Variants in KDM2A observed in about 807,000 individuals in gnomAD.
KDM2A encodes lysine-specific demethylase 2A.
A neutral mutation model predicts 137.3 loss-of-function variants in KDM2A; 3 were observed. The observed-to-expected ratio is 0.02, with a 90% CI of 0.01 to 0.06. KDM2A has a LOEUF of 0.06. Among genes scored for constraint, KDM2A ranks in the 10% least tolerant of loss-of-function variants. KDM2A has a pLI of 1.00. For synonymous variants in KDM2A, 512 were observed against 541.5 expected (o/e 0.95, Z 0.76); for missense variants, 738 against 1,510.6 (o/e 0.49, Z 8.48).
At chr11:67,253,325 A>G (rs1173180191) in intron 18 of KDM2A, 128 bp from the exon 19 acceptor site, 5 of 782,696 alleles carry the variant, frequency 6.4e-6, no homozygotes, top group Non-Finnish European at 1.1e-5. Flanking sequence ...GAGCTGGATG[A>G]CTAAAAGATT....
At chr11:67,221,344 C>A (rs1858342929) in intron 10 of KDM2A, among the ~76,000 whole-genome samples, 1 of 152,120 alleles carries the variant, frequency 6.6e-6, no homozygotes, top group Non-Finnish European at 1.5e-5. Context: ...GAGTGTAGAA[C>A]TATTAATGCT....
Position 67,253,487 on chromosome 11 carries a change from G to T in KDM2A, c.2967G>T (p.Trp989Cys), listed in dbSNP as rs555620520. 1 of 1,613,816 alleles carries T rather than the reference G, an allele frequency of 6.2e-7. No individual in the cohort carries two copies. The highest frequency in any genetic ancestry group is 1.3e-5 in the African/African-American group (1 of 75,006). ...ACCTCCTCCTAGCAGGCTGCTCCTG[G>T]TCTGCAGTCTCTGCCCTCAGCACCT... ...LKDLLLAGCSWSAVSALSTSS... is the reference protein window; with the variant it reads ...LKDLLLAGCSCSAVSALSTSS... Residue 989 changes from tryptophan (W) to cysteine (C), a missense_variant, in exon 19 of 21, where the codon TGG (tryptophan) becomes TGT (cysteine). Trp to Cys is a radical substitution (Grantham distance 215). This residue lies in a region of KDM2A where 166 missense variants were observed against 324.0 expected (regional missense o/e 0.51). Transcript: ENST00000529006.
At position 67,255,680 on chromosome 11, in the gene KDM2A, C is replaced by G; in HGVS notation, c.*625C>G. ...GTTCTGCCCAGCACTCGTGCTTGTT[C>G]ACATAATTAGGTTTCCCACCCCAGC... On this transcript the variant is annotated 3_prime_UTR_variant, in exon 21 of 21. Coordinates refer to ENST00000529006, the MANE Select transcript of KDM2A (RefSeq NM_012308.3). The G allele has an allele frequency of 2.4e-6, 1 of 418,358 alleles. No individual in the cohort carries two copies. The highest frequency in any genetic ancestry group is 4.9e-6 in the Non-Finnish European group (1 of 205,768). The allele number at this position is 418,358 out of a possible 1,614,324, so 25.9% of individuals were successfully genotyped here.
intron 2 of KDM2A, among the ~76,000 whole-genome samples, chr11:67,162,706 T>C (rs928862912): frequency 1.3e-5 from 2 of 151,360 alleles, no homozygotes; most frequent in Non-Finnish European, 3.0e-5. Flanking sequence ...GCGCCCGGCC[T>C]GCGATTTTTA....
At chr11:67,244,588 C>T (rs553784110) in intron 13 of KDM2A, among the ~76,000 whole-genome samples, 6 of 152,276 alleles carry the variant, frequency 3.9e-5, no homozygotes, top group African/African-American at 1.2e-4. Context: ...AGGGCTAGGA[C>T]AAGGGCTGGT....
At position 67,167,597 on chromosome 11, in the gene KDM2A, T is replaced by C. The variant is rs570988689; in HGVS notation, c.43-12482T>C. Among the ~76,000 whole-genome samples, 10 of 152,226 alleles carry C rather than the reference T, an allele frequency of 6.6e-5. No individual in the cohort carries two copies. The East Asian group carries it at 1.7e-3, about 26-fold the overall frequency. ...GCCTTCACAGCTATCTTTTTTTTTT[T>C]CCTTAAAGGTCCTACTGACTAAATA... On this transcript the variant is annotated intron_variant, in intron 2 of 20. Transcript: ENST00000529006.
chr11:67,236,810 T>C lies in KDM2A; in HGVS notation c.1479+4850T>C, dbSNP rs1858884886. On this transcript the variant is annotated intron_variant, in intron 12 of 20. Transcript: ENST00000529006. Reference sequence around the variant, plus strand: ...TTACAAATCTATGAAATTCACTTATTCCACCGCTCTGAATAATGCCTGCCT... The same window carrying C: ...TTACAAATCTATGAAATTCACTTATCCCACCGCTCTGAATAATGCCTGCCT... 3.3e-5 allele frequency among the ~76,000 whole-genome samples: 5 copies of C among 152,314 alleles called. No individual in the cohort carries two copies. In the South Asian group the frequency reaches 1.0e-3, roughly 32 times the overall value.
At chr11:67,198,331 T>TA (rs1565399601) in intron 5 of KDM2A, among the ~76,000 whole-genome samples, 4 of 151,474 alleles carry the variant, frequency 2.6e-5, no homozygotes, top group Admixed American at 6.6e-5. Flanking sequence ...TTTTTTTTTT[T>TA]AACAAATTGA....
intron 2 of KDM2A, among the ~76,000 whole-genome samples, chr11:67,171,595 T>C (rs1856883954): frequency 6.6e-6 from 1 of 152,260 alleles, no homozygotes; most frequent in Admixed American, 6.5e-5. Flanking sequence ...TTTTGTTGTT[T>C]TTCTGCTATT....
intron 6 of KDM2A, among the ~76,000 whole-genome samples, chr11:67,214,404 C>T (rs1858095375): frequency 1.3e-5 from 2 of 152,100 alleles, no homozygotes; most frequent in South Asian, 4.1e-4. Flanking sequence ...TGGGGTTTCA[C>T]CATGTTAGCC....
chr11:67,245,864 A>G lies in KDM2A; in HGVS notation c.1834-121A>G. 1 of 1,193,530 alleles carries G rather than the reference A, an allele frequency of 8.4e-7. No homozygotes were observed. The highest frequency in any genetic ancestry group is 1.5e-5 in the African/African-American group (1 of 65,484). 73.9% of individuals were successfully genotyped at this position (1,193,530 alleles called of 1,614,324 possible). A position where few individuals can be genotyped will look rare whatever the true frequency, so the allele number is the denominator to read the frequency against. On this transcript the variant is annotated intron_variant, in intron 14 of 20. Transcript: ENST00000529006. The surrounding 1 kb of genome is among the most constrained non-coding windows in gnomAD (Gnocchi z 4.1). Reference sequence around the variant, plus strand: ...CCTCCGTTCTCTCCACCCTGCCTCCATGCTTCCAGGTGTTTAGTAGAGAAT... The same window carrying G: ...CCTCCGTTCTCTCCACCCTGCCTCCGTGCTTCCAGGTGTTTAGTAGAGAAT...
intron 5 of KDM2A, among the ~76,000 whole-genome samples, chr11:67,203,806 T>A: frequency 6.6e-6 from 1 of 151,064 alleles, no homozygotes; most frequent in Non-Finnish European, 1.5e-5. Context: ...TTTTTTTTTC[T>A]TTTTTCTTTT....
chr11:67,149,806 G>A (rs759178456), intron 2 of KDM2A, among the ~76,000 whole-genome samples: 1 of 147,806 alleles, frequency 6.8e-6, no homozygotes, highest in African/African-American at 2.5e-5. Context: ...CTGCAACCTC[G>A]GCCTCCCAGG....
chr11:67,249,794 A>G (rs1859352241), intron 16 of KDM2A, among the ~76,000 whole-genome samples: 1 of 152,224 alleles, frequency 6.6e-6, no homozygotes. Context: ...ACCATGAAAC[A>G]GAAATACGTC....
At position 67,207,541 on chromosome 11, in the gene KDM2A, G is replaced by A. The variant is rs1488101745; in HGVS notation, c.339G>A (p.Val113=). The A allele has an allele frequency of 6.2e-7, 1 of 1,612,042 alleles. No individual in the cohort carries two copies. The change falls in exon 6 of 21, where the codon GTG becomes GTA. Residue 113 remains valine, a synonymous_variant. Coordinates refer to ENST00000529006, the MANE Select transcript of KDM2A (RefSeq NM_012308.3). ...GTCGCATGGTGGATGTCATGGACGTGAACACACAGAAAGGCATTGAAATGA... is the reference window on the plus strand; with the variant it reads ...GTCGCATGGTGGATGTCATGGACGTAAACACACAGAAAGGCATTGAAATGA... ...GSRRMVDVMD[V]NTQKGIEMTM... is the part of the protein sequence containing the mutation.
In KDM2A at chr11:67,255,552, C is replaced by G. The variant is rs1859576529; in HGVS notation, c.*497C>G. On this transcript the variant is annotated 3_prime_UTR_variant, in exon 21 of 21. Coordinates refer to ENST00000529006, the MANE Select transcript of KDM2A (RefSeq NM_012308.3). Reference sequence around the variant, plus strand: ...GGCTTGCGCAGGAGGGGCCAGCAGCCCCAGGAGTCCCAGACCCGTGCCGAT... The same window carrying G: ...GGCTTGCGCAGGAGGGGCCAGCAGCGCCAGGAGTCCCAGACCCGTGCCGAT... 2.2e-6 allele frequency: 1 copy of G among 456,672 alleles called. No individual in the cohort carries two copies. 28.3% of individuals were successfully genotyped at this position (456,672 alleles called of 1,614,324 possible). A position where few individuals can be genotyped will look rare whatever the true frequency, so the allele number is the denominator to read the frequency against.
intron 10 of KDM2A, among the ~76,000 whole-genome samples, chr11:67,221,920 G>A (rs150823978): frequency 6.8e-4 from 102 of 150,958 alleles, no homozygotes; most frequent in African/African-American, 2.4e-3. Flanking sequence ...GGGTGGAAGA[G>A]TGAGACACAG....
chr11:67,182,925 T>A (rs538380480), intron 5 of KDM2A, among the ~76,000 whole-genome samples: 2 of 152,244 alleles, frequency 1.3e-5, no homozygotes, highest in Admixed American at 6.5e-5. Flanking sequence ...TATTATCTTT[T>A]GTCCTCTGTA....
In KDM2A at chr11:67,214,207, A is replaced by ATTTTTCT. The variant is rs1858084777; in HGVS notation, c.487-1128_487-1127insCTTTTTT. ...AGGCATGCGCCACCATGCGCAGCTA[A>ATTTTTCT]TTTTTTTTTTTTTTTGAGACGGAGT... On this transcript the variant is annotated intron_variant, in intron 6 of 20. Transcript: ENST00000529006. Among the ~76,000 whole-genome samples the ATTTTTCT allele has an allele frequency of 3.9e-5, 4 of 103,300 alleles. No individual in the cohort carries two copies. The South Asian group carries it at 1.2e-3, about 32-fold the overall frequency. 67.8% of individuals were successfully genotyped at this position (103,300 alleles called of 152,430 possible). A position where few individuals can be genotyped will look rare whatever the true frequency, so the allele number is the denominator to read the frequency against.
Sources: allele counts gnomAD v4.1 joint callset (sites outside exome capture counted in the v4.1 genomes callset), GRCh38; gene constraint gnomAD v4.1.1; regional missense constraint gnomAD v4.1.1; non-coding constraint Gnocchi (gnomAD v3.1); transcripts MANE v1.5; gene names NCBI Gene and HGNC (gene_info 2026-07-23, HGNC 2026-07-21).